Variants in EPB41L4A observed in about 807,000 individuals in gnomAD.
The protein encoded by EPB41L4A is erythrocyte membrane protein band 4.1 like 4A.
EPB41L4A carries 100 observed loss-of-function variants against 108.6 expected under a neutral mutation model. That is an observed-to-expected ratio of 0.92 (90% CI 0.78 to 1.09). The LOEUF is 1.09. EPB41L4A is among the 50% of genes least tolerant of loss of function. The pLI, the probability that EPB41L4A is intolerant of heterozygous loss-of-function variation, is 0.00. For missense variants in EPB41L4A, 1,030 were observed against 842.7 expected (o/e 1.22, Z -2.75); for synonymous variants, 319 against 289.0 (o/e 1.10, Z -1.05).
chr5:112,203,050 T>G (rs1762292299), intron 15 of EPB41L4A, among the ~76,000 whole-genome samples: 1 of 151,338 alleles, frequency 6.6e-6, no homozygotes, highest in Non-Finnish European at 1.5e-5. Context: ...CTACTTTAAT[T>G]TATACATTTT....
chr5:112,157,194 T>A (rs1423704676), intron 12 of EPB41L4A, among the ~76,000 whole-genome samples: 1 of 150,856 alleles, frequency 6.6e-6, no homozygotes, highest in East Asian at 1.9e-4. Flanking sequence ...GCATGGTAGA[T>A]CTGTGTAGAA....
At chr5:112,245,343 A>G (rs1422344325) in intron 9 of EPB41L4A, among the ~76,000 whole-genome samples, 1 of 152,306 alleles carries the variant, frequency 6.6e-6, no homozygotes, top group South Asian at 2.1e-4. Flanking sequence ...ACATAAAACA[A>G]TCAATGCAAA....
intron 12 of EPB41L4A, among the ~76,000 whole-genome samples, chr5:112,153,381 T>C (rs1759539103): frequency 6.6e-6 from 1 of 151,554 alleles, no homozygotes; most frequent in Admixed American, 6.6e-5. Context: ...TACAAAAAAT[T>C]AGCCTGGCAT....
At chr5:112,376,146 T>C (rs1415464793) in intron 1 of EPB41L4A, among the ~76,000 whole-genome samples, 4 of 152,098 alleles carry the variant, frequency 2.6e-5, no homozygotes, top group Non-Finnish European at 5.9e-5. Context: ...GACTAACATC[T>C]AGAATATGTA....
rs1760066402 is a variant in EPB41L4A at position 112,163,822 on chromosome 5, G to T, written c.*1168C>A. The T allele has an allele frequency of 6.6e-6, 1 of 152,184 alleles. No individual in the cohort carries two copies. The highest frequency in any genetic ancestry group is 2.4e-5 in the African/African-American group (1 of 41,442). The allele number at this position is 152,184 out of a possible 1,614,324, so 9.4% of individuals were successfully genotyped here. Reference sequence around the variant, plus strand: ...TTTAAAACCAAGTAGCAAGGATCTAGCTGAGAGAATAATTGAATACATTAA... The same window carrying T: ...TTTAAAACCAAGTAGCAAGGATCTATCTGAGAGAATAATTGAATACATTAA... On this transcript the variant is annotated 3_prime_UTR_variant, in exon 23 of 23. Coordinates refer to ENST00000261486, the MANE Select transcript of EPB41L4A (RefSeq NM_022140.5).
intron 2 of EPB41L4A, among the ~76,000 whole-genome samples, chr5:112,297,229 T>C (rs1324313987): frequency 6.6e-6 from 1 of 152,218 alleles, no homozygotes; most frequent in Non-Finnish European, 1.5e-5. Flanking sequence ...TTTTCCATAG[T>C]GGCTGTACTA....
intron 1 of EPB41L4A, among the ~76,000 whole-genome samples, chr5:112,385,500 T>C (rs1760454591): frequency 7.1e-6 from 1 of 140,830 alleles, no homozygotes. Context: ...TTCATACTGG[T>C]TATTTTCAAA....
intron 1 of EPB41L4A, among the ~76,000 whole-genome samples, chr5:112,398,207 T>TA (rs1050096452): frequency 1.3e-4 from 19 of 151,856 alleles, no homozygotes; most frequent in South Asian, 2.1e-4. Context: ...TTCAATATAT[T>TA]AAAAAAAAAT....
intron 1 of EPB41L4A, among the ~76,000 whole-genome samples, chr5:112,380,641 A>AATGT (rs1452480439): frequency 2.6e-5 from 4 of 152,180 alleles, no homozygotes; most frequent in Non-Finnish European, 4.4e-5. Flanking sequence ...CTAAGTTTTT[A>AATGT]ATGTATACTC....
intron 9 of EPB41L4A, among the ~76,000 whole-genome samples, chr5:112,244,175 T>C (rs1010532300): frequency 6.6e-6 from 1 of 152,164 alleles, no homozygotes; most frequent in Non-Finnish European, 1.5e-5. Context: ...AATATTACTG[T>C]TTCTTGGAAA....
chr5:112,374,456 C>A (rs1401802927), intron 1 of EPB41L4A, among the ~76,000 whole-genome samples: 2 of 152,156 alleles, frequency 1.3e-5, no homozygotes, highest in Non-Finnish European at 2.9e-5. Flanking sequence ...AAGTTAAAGT[C>A]TTCTAAATAA....
intron 22 of EPB41L4A, among the ~76,000 whole-genome samples, chr5:112,167,050 A>T (rs1297918835): frequency 2.0e-5 from 3 of 146,554 alleles, no homozygotes; most frequent in African/African-American, 7.5e-5. Context: ...AACTTAGAAT[A>T]TGTGTAAGTT....
chr5:112,264,458 T>C (rs939259930), intron 6 of EPB41L4A: 1 of 153,298 alleles, frequency 6.5e-6, no homozygotes, highest in Non-Finnish European at 1.4e-5. Flanking sequence ...TATTAATGCA[T>C]TTATGGTTAA....
chr5:112,317,119 G>A (rs1455168378), intron 1 of EPB41L4A, among the ~76,000 whole-genome samples: 1 of 152,286 alleles, frequency 6.6e-6, no homozygotes, highest in East Asian at 1.9e-4. Flanking sequence ...AACATATAGT[G>A]AGCGACTGGA....
intron 1 of EPB41L4A, among the ~76,000 whole-genome samples, chr5:112,343,985 T>C (rs1208375590): frequency 1.3e-5 from 2 of 152,188 alleles, no homozygotes; most frequent in African/African-American, 4.8e-5. Context: ...GAGCCCAGGA[T>C]TTCAAGTCTG....
chr5:112,415,300 C>G (rs946227126), intron 1 of EPB41L4A, among the ~76,000 whole-genome samples: 3 of 152,066 alleles, frequency 2.0e-5, no homozygotes, highest in African/African-American at 7.2e-5. Flanking sequence ...TACACTTTAA[C>G]TGGGCGAAAT....
At chr5:112,381,430 C>T (rs1470009802) in intron 1 of EPB41L4A, among the ~76,000 whole-genome samples, 1 of 152,200 alleles carries the variant, frequency 6.6e-6, no homozygotes, top group African/African-American at 2.4e-5. Context: ...AAGTGACTCA[C>T]CCAAGGCCAG....
chr5:112,159,214 A>G (rs2112830771), downstream of EPB41L4A, among the ~76,000 whole-genome samples: 1 of 152,238 alleles, frequency 6.6e-6, no homozygotes, highest in South Asian at 2.1e-4. Context: ...GAGATACAAA[A>G]AGCTGTATTT....
chr5:112,302,518 T>A (rs1754430676), intron 2 of EPB41L4A, among the ~76,000 whole-genome samples: 1 of 152,174 alleles, frequency 6.6e-6, no homozygotes, highest in Admixed American at 6.5e-5. Flanking sequence ...AGCACTAGTC[T>A]GTGTATTTTT....
Sources: gnomAD v4.1 joint callset for allele counts (sites outside exome capture counted in the v4.1 genomes callset) on GRCh38, gnomAD v4.1.1 for gene constraint, MANE v1.5 for transcripts, NCBI Gene and HGNC (gene_info 2026-07-23, HGNC 2026-07-21) for gene names.